The following LMNB1 variants were observed in gnomAD, a reference collection of about 807,000 sequenced individuals.
LMNB1 encodes lamin B1.
A neutral mutation model predicts 67.1 loss-of-function variants in LMNB1; 23 were observed. That is an observed-to-expected ratio of 0.34 (90% CI 0.25 to 0.49). The LOEUF (loss-of-function observed/expected upper bound fraction) is 0.49. Among genes scored for constraint, LMNB1 ranks in the 20% least tolerant of loss-of-function variants. LMNB1 has a pLI of 0.99. For missense variants in LMNB1, 634 were observed against 746.5 expected, an observed-to-expected ratio of 0.85 and a Z score of 1.76; for synonymous variants, 281 against 282.9, an observed-to-expected ratio of 0.99 and a Z score of 0.07.
At chr5:126,800,982 A>ATATTTTTTTTTT in intron 1 of LMNB1, among the ~76,000 whole-genome samples, 2 of 18,632 alleles carry the variant, frequency 1.1e-4, no homozygotes, top group Admixed American at 9.5e-4. Context: ...TATATATATA[A>ATATTTTTTTTTT]TTTTTTTTTT....
At chr5:126,782,330 A>C (rs1161136128) in intron 1 of LMNB1, among the ~76,000 whole-genome samples, 1 of 152,240 alleles carries the variant, frequency 6.6e-6, no homozygotes, top group Non-Finnish European at 1.5e-5. Context: ...CACATACTGG[A>C]TATGACACCC....
At chr5:126,781,715 C>G (rs111458064) in intron 1 of LMNB1, among the ~76,000 whole-genome samples, 4 of 152,116 alleles carry the variant, frequency 2.6e-5, no homozygotes, top group Non-Finnish European at 5.9e-5. Flanking sequence ...GGATTATAGG[C>G]GTGAGCCACC....
Position 126,822,763 on chromosome 5 carries a change from C to G in LMNB1, c.1387-18C>G, listed in dbSNP as rs143847675. ...TTATCTTTGAAGTAACACCCCTCACCCTCCTTTCTGTGTGTAGGATCAACC... is the reference window on the plus strand; with the variant it reads ...TTATCTTTGAAGTAACACCCCTCACGCTCCTTTCTGTGTGTAGGATCAACC... On this transcript the variant is annotated intron_variant, in intron 7 of 10. Coordinates refer to ENST00000261366, the MANE Select transcript of LMNB1 (RefSeq NM_005573.4). 3.3e-4 allele frequency: 488 copies of G among 1,470,604 alleles called. 1 individual carries two copies. The African/African-American group carries it at 6.0e-3, about 18-fold the overall frequency. 91.1% of individuals were successfully genotyped at this position (1,470,604 alleles called of 1,614,324 possible).
At chr5:126,791,942 C>T (rs546046173) in intron 1 of LMNB1, among the ~76,000 whole-genome samples, 37 of 151,722 alleles carry the variant, frequency 2.4e-4, no homozygotes, top group Non-Finnish European at 4.7e-4. Context: ...ACCATGACAC[C>T]GGGCTGATTT....
At chr5:126,781,502 G>A (rs1258942986) in intron 1 of LMNB1, among the ~76,000 whole-genome samples, 3 of 151,124 alleles carry the variant, frequency 2.0e-5, no homozygotes, top group Non-Finnish European at 3.0e-5. Flanking sequence ...TTGAGACGGA[G>A]CTTGGCTCAC....
chr5:126,819,284 T>C (rs938936268), intron 6 of LMNB1, 142 bp downstream of exon 6: 6 of 590,668 alleles, frequency 1.0e-5, no homozygotes, highest in African/African-American at 5.6e-5. Context: ...GAAGTAGTAA[T>C]AGATCATATT....
chr5:126,784,209 A>T lies in LMNB1; in HGVS notation c.359+6342A>T, dbSNP rs866235529. Among the ~76,000 whole-genome samples, 3 of 149,696 alleles carry T rather than the reference A, an allele frequency of 2.0e-5. No individual in the cohort carries two copies. The South Asian group carries it at 6.3e-4, about 32-fold the overall frequency. On this transcript the variant is annotated intron_variant, in intron 1 of 10. Transcript: ENST00000261366. ...CCGGCTGATTTTGTATTTTTTTTTTAATAGACTTGGGGTTTTTCCATGTTG... is the reference window on the plus strand; with the variant it reads ...CCGGCTGATTTTGTATTTTTTTTTTTATAGACTTGGGGTTTTTCCATGTTG...
At chr5:126,828,314 T>C (rs1187262781) in intron 9 of LMNB1, among the ~76,000 whole-genome samples, 1 of 152,192 alleles carries the variant, frequency 6.6e-6, no homozygotes, top group Admixed American at 6.5e-5. Flanking sequence ...TGTCATTTTT[T>C]TTTTCTCTGT....
chr5:126,824,445 G>A (rs1379068151), intron 8 of LMNB1, among the ~76,000 whole-genome samples: 3 of 151,602 alleles, frequency 2.0e-5, no homozygotes, highest in African/African-American at 4.9e-5. Flanking sequence ...TACCCTTACA[G>A]CACATTCATT....
intron 8 of LMNB1, among the ~76,000 whole-genome samples, chr5:126,825,567 A>T (rs1293312958): frequency 6.6e-6 from 1 of 152,174 alleles, no homozygotes; most frequent in Non-Finnish European, 1.5e-5. Flanking sequence ...TATAAAACCC[A>T]CAGAGTAATA....
chr5:126,830,902 T>C (rs77983274), intron 9 of LMNB1, among the ~76,000 whole-genome samples: 7 of 152,190 alleles, frequency 4.6e-5, no homozygotes, highest in Non-Finnish European at 1.0e-4. Flanking sequence ...AAGAATCACA[T>C]TTTTTTTATT....
chr5:126,801,895 G>A (rs1751295180), intron 1 of LMNB1, among the ~76,000 whole-genome samples: 1 of 152,172 alleles, frequency 6.6e-6, no homozygotes, highest in Non-Finnish European at 1.5e-5. Context: ...TAAGTATTGT[G>A]TAATACTGCA....
chr5:126,798,835 CAGA>C (rs1230292326), intron 1 of LMNB1, among the ~76,000 whole-genome samples: 1 of 151,358 alleles, frequency 6.6e-6, no homozygotes, highest in African/African-American at 2.4e-5. Context: ...GTTTTCTGTG[CAGA>C]AGATGTAGGA....
chr5:126,777,859 G>C lies in LMNB1; in HGVS notation c.351G>C (p.Leu117=). The C allele has an allele frequency of 7.0e-7, 1 of 1,429,948 alleles. No individual in the cohort carries two copies. Among genetic ancestry groups the C allele is most frequent in the Non-Finnish European group, 9.2e-7 (1 of 1,090,406 alleles). The allele number at this position is 1,429,948 out of a possible 1,614,324, so 88.6% of individuals were successfully genotyped here. Residue 117 remains leucine, a synonymous_variant, in exon 1 of 11, where the codon CTG becomes CTC. Coordinates refer to ENST00000261366, the MANE Select transcript of LMNB1 (RefSeq NM_005573.4). ...LGKCKAEHDQ[L]LLNYAKKESD... ...AGTGCAAGGCGGAACACGACCAGCTGCTCCTCAAGTGAGTGCTAGCTGGCG... is the reference window on the plus strand; with the variant it reads ...AGTGCAAGGCGGAACACGACCAGCTCCTCCTCAAGTGAGTGCTAGCTGGCG...
Position 126,777,382 on chromosome 5 carries a change from C to T in LMNB1, c.-127C>T. The T allele has an allele frequency of 8.9e-7, 1 of 1,125,074 alleles. No individual in the cohort carries two copies. Among genetic ancestry groups the T allele is most frequent in the Non-Finnish European group, 1.1e-6 (1 of 890,266 alleles). The allele number at this position is 1,125,074 out of a possible 1,614,324, so 69.7% of individuals were successfully genotyped here. A position where few individuals can be genotyped will look rare whatever the true frequency, so the allele number is the denominator to read the frequency against. ...CCAGGTGCTTCTCCGTTCCTCTAAA[C>T]GCCAGCGTCTGGACGTGAGCGCAGG... On this transcript the variant is annotated 5_prime_UTR_variant, in exon 1 of 11. In the 5' UTR this introduces an upstream ATG that the reference lacks. Coordinates refer to ENST00000261366, the MANE Select transcript of LMNB1 (RefSeq NM_005573.4).
At chr5:126,807,148 G>A (rs1473869745) in intron 3 of LMNB1, among the ~76,000 whole-genome samples, 4 of 152,134 alleles carry the variant, frequency 2.6e-5, no homozygotes, top group Non-Finnish European at 5.9e-5. Context: ...GGGCAAAACC[G>A]TTGTCAAACA....
At chr5:126,828,650 CG>C (rs1262494146) in intron 9 of LMNB1, among the ~76,000 whole-genome samples, 1 of 150,828 alleles carries the variant, frequency 6.6e-6, no homozygotes, top group Non-Finnish European at 1.5e-5. Context: ...AGCACGATCT[CG>C]GCTCACTGCA....
At chr5:126,808,080 C>G (rs899241113) in intron 3 of LMNB1, among the ~76,000 whole-genome samples, 25 of 152,268 alleles carry the variant, frequency 1.6e-4, no homozygotes, top group Non-Finnish European at 3.2e-4. Flanking sequence ...CCACATTGGC[C>G]AGGCTGGTCT....
chr5:126,802,102 T>G (rs987429319), intron 1 of LMNB1, among the ~76,000 whole-genome samples: 10 of 152,176 alleles, frequency 6.6e-5, no homozygotes, highest in Non-Finnish European at 1.5e-4. Flanking sequence ...GTTAATTTTT[T>G]CCTCTTCTGG....
Sources: allele counts gnomAD v4.1 joint callset (sites outside exome capture counted in the v4.1 genomes callset), GRCh38; gene constraint gnomAD v4.1.1; transcripts MANE v1.5; gene names NCBI Gene and HGNC (gene_info 2026-07-23, HGNC 2026-07-21).